Variants in HDX observed in about 807,000 individuals in gnomAD.
HDX encodes the protein chromosome X open reading frame 43.
Under a neutral mutation model 45.2 loss-of-function variants are expected in HDX, and 19 were observed. The observed-to-expected ratio is 0.42, with a 90% CI of 0.29 to 0.62. The LOEUF is 0.62. Ranked by LOEUF, HDX falls within the 20% of genes least tolerant of loss-of-function variation. HDX has a pLI of 0.20. For synonymous variants in HDX, 188 were observed against 172.8 expected, an observed-to-expected ratio of 1.09 and a Z score of -0.69; for missense variants, 532 against 493.9, an observed-to-expected ratio of 1.08 and a Z score of -0.73.
intron 5 of HDX, among the ~76,000 whole-genome samples, chrX:84,423,505 A>T (rs1323663662): frequency 1.9e-5 from 2 of 102,793 alleles, no homozygotes; most frequent in Non-Finnish European, 4.0e-5. Context: ...AAAAAAAGAG[A>T]GAGAGAGAGA....
At chrX:84,347,220 T>G (rs1009406808) in intron 6 of HDX, among the ~76,000 whole-genome samples, 1 of 110,659 alleles carries the variant, frequency 9.0e-6, no homozygotes, top group African/African-American at 3.3e-5. Context: ...ACTATCTTCT[T>G]TTTTTAGAGA....
chrX:84,383,867 C>A (rs1305590832), intron 5 of HDX, among the ~76,000 whole-genome samples: 1 of 111,570 alleles, frequency 9.0e-6, no homozygotes, highest in Non-Finnish European at 1.9e-5. Flanking sequence ...CATGTTACTG[C>A]AAAGGACATG....
At chrX:84,473,272 A>C (rs1441643778) in intron 3 of HDX, among the ~76,000 whole-genome samples, 1 of 99,135 alleles carries the variant, frequency 1.0e-5, no homozygotes, top group African/African-American at 3.8e-5. Context: ...TAAAAGAAAA[A>C]TGCAATGAAT....
chrX:84,323,793 G>A (rs989656955), intron 10 of HDX, among the ~76,000 whole-genome samples: 2 of 112,046 alleles, frequency 1.8e-5, no homozygotes, highest in African/African-American at 3.2e-5. Context: ...ACGTGAATAC[G>A]ATTAACTTTC....
chrX:84,330,713 T>A (rs1053427184), intron 9 of HDX, among the ~76,000 whole-genome samples: 2 of 112,037 alleles, frequency 1.8e-5, no homozygotes, highest in South Asian at 7.3e-4. Flanking sequence ...TCATGAAGCA[T>A]CTTTTGGTAT....
At chrX:84,343,848 A>G (rs73237161) in intron 7 of HDX, among the ~76,000 whole-genome samples, 1,224 of 111,257 alleles carry the variant, frequency 0.011, 12 homozygotes, top group Middle Eastern at 0.028. Flanking sequence ...GTCTCATGAG[A>G]AGTCGCATGA....
intron 5 of HDX, among the ~76,000 whole-genome samples, chrX:84,388,301 T>C (rs1044377098): frequency 9.0e-6 from 1 of 110,933 alleles, no homozygotes; most frequent in Admixed American, 9.6e-5. Flanking sequence ...TCATCTTTTA[T>C]AGTATCTAGA....
intron 5 of HDX, among the ~76,000 whole-genome samples, chrX:84,416,244 T>G (rs2039099315): frequency 9.0e-6 from 1 of 111,645 alleles, no homozygotes; most frequent in Admixed American, 9.5e-5. Context: ...TAACATCATC[T>G]TATCGAGATA....
chrX:84,500,050 T>C (rs1248856670), intron 1 of HDX: 3 of 111,855 alleles, frequency 2.7e-5, no homozygotes, highest in Non-Finnish European at 5.7e-5. Context: ...CTTTATTTAG[T>C]ATTTTTCAAA....
At chrX:84,421,475 T>C (rs1450637834) in intron 5 of HDX, among the ~76,000 whole-genome samples, 1 of 110,543 alleles carries the variant, frequency 9.0e-6, no homozygotes. Context: ...TTACCTTCAG[T>C]AGAGGAAGAC....
intron 7 of HDX, among the ~76,000 whole-genome samples, chrX:84,339,043 T>A (rs893190670): frequency 5.4e-5 from 6 of 111,512 alleles, no homozygotes; most frequent in African/African-American, 2.0e-4. Flanking sequence ...CTTTTCTTTA[T>A]AAATTACCCA....
chrX:84,484,528 C>T (rs994191063), intron 2 of HDX, among the ~76,000 whole-genome samples: 2 of 73 alleles, frequency 0.027, no homozygotes, highest in Non-Finnish European at 0.051. Context: ...TTACCTCCCA[C>T]AGGTCCCGCC....
intron 5 of HDX, among the ~76,000 whole-genome samples, chrX:84,396,369 G>C (rs1007657664): frequency 2.7e-5 from 3 of 112,250 alleles, no homozygotes; most frequent in African/African-American, 9.7e-5. Flanking sequence ...TTAGTGTGCA[G>C]TTATTACTGG....
chrX:84,324,273 C>A, intron 10 of HDX, among the ~76,000 whole-genome samples: 1 of 110,941 alleles, frequency 9.0e-6, no homozygotes, highest in Non-Finnish European at 1.9e-5. Flanking sequence ...AACTGAAGAT[C>A]TTTTTTAAAA....
At chrX:84,475,138 T>G (rs1246576161) in intron 3 of HDX, 113 bp downstream of exon 3, 7 of 556,093 alleles carry the variant, frequency 1.3e-5, no homozygotes, top group Middle Eastern at 4.0e-4. Flanking sequence ...ACCAGGGAAG[T>G]GAAGCTGTTT....
At chrX:84,470,500 CAAT>C (rs1330518689) in intron 3 of HDX, among the ~76,000 whole-genome samples, 3 of 111,475 alleles carry the variant, frequency 2.7e-5, no homozygotes, top group Non-Finnish European at 3.8e-5. Flanking sequence ...CTACTAAAGT[CAAT>C]AATAATTCTT....
intron 7 of HDX, among the ~76,000 whole-genome samples, chrX:84,339,658 TC>T (rs1319306700): frequency 9.0e-6 from 1 of 111,374 alleles, no homozygotes; most frequent in Non-Finnish European, 1.9e-5. Context: ...GAAAAGCAGC[TC>T]TGCTAATTGG....
At chrX:84,342,086 GC>G (rs1351269743) in intron 7 of HDX, among the ~76,000 whole-genome samples, 1 of 110,462 alleles carries the variant, frequency 9.1e-6, no homozygotes, top group East Asian at 2.9e-4. Flanking sequence ...GATATTTTTT[GC>G]CTCAATGTGG....
intron 5 of HDX, among the ~76,000 whole-genome samples, chrX:84,401,416 C>A (rs2038703062): frequency 1.8e-5 from 2 of 111,943 alleles, no homozygotes; most frequent in Admixed American, 9.5e-5. Context: ...ACAAACACTT[C>A]TCAAAAGAAG....
Sources: gnomAD v4.1 joint callset for allele counts (sites outside exome capture counted in the v4.1 genomes callset) on GRCh38, gnomAD v4.1.1 for gene constraint, MANE v1.5 for transcripts, NCBI Gene and HGNC (gene_info 2026-07-23, HGNC 2026-07-21) for gene names.